The following STK11IP variants were observed in gnomAD, a reference collection of about 807,000 sequenced individuals.
STK11IP encodes the protein serine/threonine kinase 11 interacting protein.
STK11IP carries 103 observed loss-of-function variants against 131.7 expected under a neutral mutation model. That is an observed-to-expected ratio of 0.78 (90% confidence interval 0.67 to 0.92). The LOEUF (loss-of-function observed/expected upper bound fraction) is 0.92. Among genes scored for constraint, STK11IP ranks in the 40% least tolerant of loss-of-function variants. STK11IP has a pLI of 0.00. For synonymous variants in STK11IP, 557 were observed against 575.6 expected (o/e 0.97, Z 0.46); for missense variants, 1,315 against 1,385.7 (o/e 0.95, Z 0.81).
rs1408285907 is a variant in STK11IP, at chr2:219,609,543, A to G, written c.2104+3A>G. 1.6e-5 allele frequency: 25 copies of G among 1,558,310 alleles called. No individual in the cohort carries two copies. Among genetic ancestry groups the G allele is most frequent in the East Asian group, 2.4e-5 (1 of 41,558 alleles). On this transcript the variant is annotated splice_donor_region_variant and intron_variant, in intron 17 of 24. Transcript: ENST00000456909. Reference sequence around the variant, plus strand: ...GAGGCCTCTGTTCCAAAAGACAGGTACAAGTCCTGCCCTTGACCTCTCTGC... The same window carrying G: ...GAGGCCTCTGTTCCAAAAGACAGGTGCAAGTCCTGCCCTTGACCTCTCTGC...
Position 219,616,393 on chromosome 2 carries a change from GGA to G in STK11IP, c.*202_*203del. 1.6e-6 allele frequency: 1 copy of G among 612,820 alleles called. No individual in the cohort carries two copies. Among genetic ancestry groups the G allele is most frequent in the Non-Finnish European group, 2.7e-6 (1 of 367,092 alleles). 38.0% of individuals were successfully genotyped at this position (612,820 alleles called of 1,614,324 possible). A position where few individuals can be genotyped will look rare whatever the true frequency, so the allele number is the denominator to read the frequency against. On this transcript the variant is annotated 3_prime_UTR_variant, in exon 25 of 25. Transcript: ENST00000456909. The stretch of plus-strand genomic sequence containing the variant: ...CCTCAGGGGACAGGCCACCTGGTCA[GGA>G]GGAATATTTTTCCTGCACTTTTTCT...
intron 20 of STK11IP, 113 bp from the exon 21 acceptor site, chr2:219,613,639 T>C: frequency 8.4e-7 from 1 of 1,194,022 alleles, no homozygotes; most frequent in Non-Finnish European, 1.2e-6. Flanking sequence ...TGGGGTGTGG[T>C]GAGCGCACGG....
chr2:219,611,596 C>T lies in STK11IP; in HGVS notation c.2105-8C>T, dbSNP rs969547822. 2 of 1,606,668 alleles carry T rather than the reference C, an allele frequency of 1.2e-6. No individual in the cohort carries two copies. The highest frequency in any genetic ancestry group is 2.2e-5 in the South Asian group (2 of 90,964). ...GGCTCATGGGGACCGTGTCCATCCTCCCTCCAGAATCTCCTGCTGTGTGTC... is the reference window on the plus strand; with the variant it reads ...GGCTCATGGGGACCGTGTCCATCCTTCCTCCAGAATCTCCTGCTGTGTGTC... On this transcript the variant is annotated splice_polypyrimidine_tract_variant and splice_region_variant and intron_variant, in intron 17 of 24. Coordinates refer to ENST00000456909, the MANE Select transcript of STK11IP (RefSeq NM_052902.4).
chr2:219,609,924 C>T (rs556538698), intron 17 of STK11IP: 85 of 227,900 alleles, frequency 3.7e-4, no homozygotes, highest in African/African-American at 1.8e-3. Context: ...GTGGTGCTGC[C>T]TCTGCCAGCA....
In STK11IP at chr2:219,613,737, C is replaced by T. The variant is rs200400474; in HGVS notation, c.2538-15C>T. The T allele has an allele frequency of 3.2e-5, 51 of 1,612,206 alleles. No individual in the cohort carries two copies. In the African/African-American group the frequency reaches 4.9e-4, roughly 16 times the overall value. ...CTCTCATGCTTCTCCATTGCTCTGT[C>T]CCCTCTCTCCACAGTGAGCCTCCAG... On this transcript the variant is annotated splice_polypyrimidine_tract_variant and intron_variant, in intron 20 of 24. Coordinates refer to ENST00000456909, the MANE Select transcript of STK11IP (RefSeq NM_052902.4).
At position 219,607,112 on chromosome 2, in the gene STK11IP, C is replaced by A. The variant is rs748104501; in HGVS notation, c.1194C>A (p.Pro398=). ...ISEPSDTDPE[P]RTLNPSPAGW... ...AACCCAGTGATACGGACCCGGAGCC[C>A]CGAACTCTGAACCCCTCTCCGGCTG... The change falls in exon 13 of 25, where the codon CCC becomes CCA. Residue 398 remains proline (P), a synonymous_variant. Coordinates refer to ENST00000456909, the MANE Select transcript of STK11IP (RefSeq NM_052902.4). 6.2e-7 allele frequency: 1 copy of A among 1,613,932 alleles called. No homozygotes were observed. The highest frequency in any genetic ancestry group is 1.1e-5 in the South Asian group (1 of 91,084).
At chr2:219,607,359 G>C (rs1010501993) in intron 13 of STK11IP, among the ~76,000 whole-genome samples, 1 of 152,112 alleles carries the variant, frequency 6.6e-6, no homozygotes, top group Non-Finnish European at 1.5e-5. Context: ...TTTGTGGGGT[G>C]TCAAGAGATC....
intron 2 of STK11IP, among the ~76,000 whole-genome samples, chr2:219,600,131 C>T (rs976468110): frequency 3.1e-5 from 4 of 129,012 alleles, no homozygotes; most frequent in Non-Finnish European, 4.6e-5. Flanking sequence ...GGCTCAATTT[C>T]GGCTCACTGC....
Position 219,608,352 on chromosome 2 carries a change from G to GA in STK11IP, c.1526dup (p.Glu511GlyfsTer40), listed in dbSNP as rs940644868. On this transcript the variant is annotated frameshift_variant, in exon 14 of 25. Transcript: ENST00000456909. LOFTEE classifies it high-confidence loss of function. ...GAAGGAGGGGAAGGAGGAGAAGGAG[G>GA]AGGGGGAGATGGTGGAACAGGGAGA... 1.3e-6 allele frequency: 2 copies of GA among 1,586,876 alleles called. No individual in the cohort carries two copies. The highest frequency in any genetic ancestry group is 1.3e-5 in the African/African-American group (1 of 74,214).
rs528664822 is a variant in STK11IP at position 219,607,199 on chromosome 2, T to A, written c.1219+62T>A. ...CAGCGAGCTCACTCTAATTTTTAAG[T>A]TACAGTGAAGATCTGCTGGAAGAAA... On this transcript the variant is annotated intron_variant, in intron 13 of 24. Transcript: ENST00000456909. The A allele has an allele frequency of 1.2e-3, 1,880 of 1,504,456 alleles. 2 individuals carry two copies. Among genetic ancestry groups the A allele is most frequent in the Non-Finnish European group, 1.6e-3 (1,720 of 1,083,356 alleles). 93.2% of individuals were successfully genotyped at this position (1,504,456 alleles called of 1,614,324 possible).
Position 219,608,101 on chromosome 2 carries a change from G to A in STK11IP, c.1274G>A (p.Arg425Gln), listed in dbSNP as rs752863159. 102 of 1,612,984 alleles carry A rather than the reference G, an allele frequency of 6.3e-5. No individual in the cohort carries two copies. Among genetic ancestry groups the A allele is most frequent in the Middle Eastern group, 1.8e-4 (1 of 5,664 alleles). ...ELELMSSFRE[R>Q]FGRNWLQYRS... ...GAGCTCATGAGCAGCTTCCGGGAACGGTTCGGCCGCAACTGGCTGCAGTAC... is the reference window on the plus strand; with the variant it reads ...GAGCTCATGAGCAGCTTCCGGGAACAGTTCGGCCGCAACTGGCTGCAGTAC... The change falls in exon 14 of 25, where the codon CGG (arginine) becomes CAG (glutamine). Residue 425 changes from arginine (R) to glutamine (Q), a missense_variant. By Grantham distance (43) the Arg-to-Gln change is conservative (BLOSUM62 1). Transcript: ENST00000456909.
chr2:219,601,976 T>C lies in STK11IP; in HGVS notation c.343-12T>C, dbSNP rs967726613. ...GGGTTCTGCCTTCCTCCCTCCTCTT[T>C]CCTTGTCCCAGCTCCGAGGTGTTCC... On this transcript the variant is annotated splice_polypyrimidine_tract_variant and intron_variant, in intron 4 of 24. Coordinates refer to ENST00000456909, the MANE Select transcript of STK11IP (RefSeq NM_052902.4). The C allele has an allele frequency of 1.9e-6, 3 of 1,604,420 alleles. No homozygotes were observed. Among genetic ancestry groups the C allele is most frequent in the South Asian group, 2.2e-5 (2 of 89,078 alleles).
chr2:219,604,431 C>G (rs950598216), intron 7 of STK11IP, among the ~76,000 whole-genome samples: 8 of 152,168 alleles, frequency 5.3e-5, no homozygotes, highest in Non-Finnish European at 8.8e-5. Context: ...CCTCTTTCCC[C>G]TGAACAATAT....
At chr2:219,615,565 GCCCA>G in intron 24 of STK11IP, 1 of 678,970 alleles carries the variant, frequency 1.5e-6, no homozygotes, top group South Asian at 1.8e-5. Context: ...TGGACTGGGA[GCCCA>G]GCCATTTAGC....
At position 219,615,350 on chromosome 2, in the gene STK11IP, G is replaced by T; in HGVS notation, c.3117+9G>T. The T allele has an allele frequency of 6.3e-7, 1 of 1,591,890 alleles. No individual in the cohort carries two copies. The highest frequency in any genetic ancestry group is 1.3e-5 in the African/African-American group (1 of 74,822). ...TGCTCTTCTACGATGAGGTGTGTAT[G>T]TGTATCTCCAGTGAGAGGGAGGGAG... is the stretch of plus-strand genomic sequence containing the variant. On this transcript the variant is annotated intron_variant, in intron 24 of 24. Coordinates refer to ENST00000456909, the MANE Select transcript of STK11IP (RefSeq NM_052902.4).
intron 2 of STK11IP, among the ~76,000 whole-genome samples, chr2:219,600,267 G>A (rs1249748567): frequency 6.6e-6 from 1 of 151,600 alleles, no homozygotes; most frequent in African/African-American, 2.4e-5. Context: ...GGTTAGAGTC[G>A]TAGAATAATT....
In STK11IP at chr2:219,608,573, C is replaced by G. The variant is rs778543999; in HGVS notation, c.1604-10C>G. Reference sequence around the variant, plus strand: ...CTCCCTGCAGGCCTTTTCTCTTGGTCTCTCCACAGCGGAACTCTGTCGCCC... The same window carrying G: ...CTCCCTGCAGGCCTTTTCTCTTGGTGTCTCCACAGCGGAACTCTGTCGCCC... On this transcript the variant is annotated splice_polypyrimidine_tract_variant and intron_variant, in intron 14 of 24. Coordinates refer to ENST00000456909, the MANE Select transcript of STK11IP (RefSeq NM_052902.4). 3.7e-5 allele frequency: 58 copies of G among 1,571,438 alleles called. No homozygotes were observed. The highest frequency in any genetic ancestry group is 4.9e-5 in the Non-Finnish European group (57 of 1,157,384).
Position 219,608,400 on chromosome 2 carries a change from G to A in STK11IP, c.1573G>A (p.Glu525Lys), listed in dbSNP as rs1341223839. 1 of 1,574,910 alleles carries A rather than the reference G, an allele frequency of 6.3e-7. No homozygotes were observed. Among genetic ancestry groups the A allele is most frequent in the Non-Finnish European group, 8.6e-7 (1 of 1,160,574 alleles). ...AGAAGAGGAGGCAGGAGAGGAGGAA[G>A]AAGAGGAGCAGGACCAGAAGGAAGT... ...QGEEEAGEEE[E>K]EEQDQKEVEA... Residue 525 changes from glutamate to lysine, a missense_variant, in exon 14 of 25, where the codon GAA becomes AAA. Coordinates refer to ENST00000456909, the MANE Select transcript of STK11IP (RefSeq NM_052902.4).
chr2:219,598,304 A>C lies in STK11IP; in HGVS notation c.61+124A>C, dbSNP rs985990911. The C allele has an allele frequency of 8.7e-6, 6 of 687,020 alleles. No individual in the cohort carries two copies. In the South Asian group the frequency reaches 1.3e-4, roughly 15 times the overall value. 42.6% of individuals were successfully genotyped at this position (687,020 alleles called of 1,614,324 possible). A position where few individuals can be genotyped will look rare whatever the true frequency, so the allele number is the denominator to read the frequency against. ...TAGGGTCACCAGGTGTCAGAGTTCA[A>C]TTTCTTTACTTTTCCCAGGTTTGTT... On this transcript the variant is annotated intron_variant, in intron 2 of 24. Transcript: ENST00000456909.
Sources: gnomAD v4.1 joint callset for allele counts (sites outside exome capture counted in the v4.1 genomes callset) on GRCh38, gnomAD v4.1.1 for gene constraint, MANE v1.5 for transcripts, NCBI Gene and HGNC (gene_info 2026-07-23, HGNC 2026-07-21) for gene names.